CASK: variants seen among roughly 807,000 people sequenced by gnomAD.
CASK encodes the protein peripheral plasma membrane protein CASK.
A neutral mutation model predicts 82.9 loss-of-function variants in CASK; 4 were observed. The observed-to-expected ratio is 0.05, with a 90% CI of 0.02 to 0.11. CASK has a LOEUF of 0.11. Among genes scored for constraint, CASK ranks in the 10% least tolerant of loss-of-function variants. CASK has a pLI of 1.00. For synonymous variants in CASK, 259 were observed against 253.5 expected (o/e 1.02, Z -0.20); for missense variants, 358 against 720.9 (o/e 0.50, Z 5.76).
chrX:41,545,877 G>A (rs759562051), intron 21 of CASK, among the ~76,000 whole-genome samples: 3 of 108,046 alleles, frequency 2.8e-5, no homozygotes, highest in Admixed American at 2.0e-4. Context: ...GCTGGAATGC[G>A]GTGGTGCAAT....
intron 6 of CASK, among the ~76,000 whole-genome samples, chrX:41,666,066 G>C (rs2067112262): frequency 8.9e-6 from 1 of 112,295 alleles, no homozygotes; most frequent in Non-Finnish European, 1.9e-5. Context: ...ATTAACAATA[G>C]TTAGTAATAT....
chrX:41,532,022 C>A (rs1480170599), intron 24 of CASK, among the ~76,000 whole-genome samples: 1 of 111,915 alleles, frequency 8.9e-6, no homozygotes, highest in Non-Finnish European at 1.9e-5. Flanking sequence ...GCAACTTCCA[C>A]CTCCTGGGTT....
At chrX:41,847,020 T>C (rs1489223758) in intron 2 of CASK, among the ~76,000 whole-genome samples, 1 of 111,888 alleles carries the variant, frequency 8.9e-6, no homozygotes, top group Non-Finnish European at 1.9e-5. Context: ...ATGTGATGAT[T>C]CAGTTCTCCC....
chrX:41,889,006 C>T (rs558923586), intron 1 of CASK, among the ~76,000 whole-genome samples: 4 of 109,514 alleles, frequency 3.7e-5, no homozygotes, highest in African/African-American at 6.6e-5. Flanking sequence ...GGGTAGATAC[C>T]TAGTAGTGGG....
At chrX:41,696,559 A>G in intron 5 of CASK, 1 of 1,207,046 alleles carries the variant, frequency 8.3e-7, no homozygotes, top group Non-Finnish European at 1.1e-6. Flanking sequence ...CACAAAACCA[A>G]TGAGATCATG....
chrX:41,686,518 G>A lies in CASK; in HGVS notation c.430-14988C>T, dbSNP rs145645164. Among the ~76,000 whole-genome samples the A allele has an allele frequency of 2.9e-3, 316 of 110,182 alleles. 1 individual carries two copies. Among genetic ancestry groups the A allele is most frequent in the East Asian group, 6.2e-3 (22 of 3,524 alleles). ...CTCCCAAGTAGCTGGAACTACAGGC[G>A]TACGCCACCATGCCCAGCTAAGAAC... On this transcript the variant is annotated intron_variant, in intron 5 of 26. Transcript: ENST00000378163.
At chrX:41,534,264 T>C (rs2064844163) in intron 24 of CASK, among the ~76,000 whole-genome samples, 1 of 111,335 alleles carries the variant, frequency 9.0e-6, no homozygotes, top group Non-Finnish European at 1.9e-5. Context: ...GGGAAAAAAA[T>C]TGTCATATCA....
intron 5 of CASK, among the ~76,000 whole-genome samples, chrX:41,703,450 C>A (rs2067835846): frequency 8.9e-6 from 1 of 112,397 alleles, no homozygotes. Context: ...AAAATTTACA[C>A]AAATGGTATC....
intron 14 of CASK, among the ~76,000 whole-genome samples, chrX:41,582,221 T>C (rs2065590239): frequency 8.9e-6 from 1 of 112,210 alleles, no homozygotes. Flanking sequence ...ACAGATTAGA[T>C]ATTTTCCTGC....
chrX:41,922,447 C>T (rs748701654), intron 1 of CASK, among the ~76,000 whole-genome samples: 1 of 111,708 alleles, frequency 9.0e-6, no homozygotes, highest in Admixed American at 9.4e-5. Flanking sequence ...CTTAAATGAC[C>T]CCCTCCAATC....
At chrX:41,759,978 T>G (rs2068971663) in intron 3 of CASK, among the ~76,000 whole-genome samples, 1 of 111,691 alleles carries the variant, frequency 9.0e-6, no homozygotes, top group Non-Finnish European at 1.9e-5. Flanking sequence ...GATCAAGAGC[T>G]CTTGACCCCT....
chrX:41,900,181 G>A (rs932058238), intron 1 of CASK, among the ~76,000 whole-genome samples: 4 of 110,241 alleles, frequency 3.6e-5, no homozygotes, highest in African/African-American at 1.3e-4. Context: ...TTCTCTTGAT[G>A]CTTTTGAAAT....
chrX:41,678,000 C>A (rs1255178183), intron 5 of CASK, among the ~76,000 whole-genome samples: 1 of 112,369 alleles, frequency 8.9e-6, no homozygotes, highest in African/African-American at 3.2e-5. Flanking sequence ...GTAATTTAAC[C>A]TGTTAATAGT....
chrX:41,861,805 AATGTATATATTGTATAT>A (rs1346811528), intron 1 of CASK, among the ~76,000 whole-genome samples: 1 of 102,345 alleles, frequency 9.8e-6, no homozygotes, highest in African/African-American at 3.5e-5. Flanking sequence ...ATGTATATAT[AATGTATATATTGTATAT>A]ATGTATATAT....
At chrX:41,602,078 AT>A (rs1231992838) in intron 12 of CASK, among the ~76,000 whole-genome samples, 1 of 111,551 alleles carries the variant, frequency 9.0e-6, no homozygotes, top group East Asian at 2.8e-4. Flanking sequence ...CAGTTATCCA[AT>A]TTTTTTCTTT....
chrX:41,834,654 A>G (rs1425075264), intron 2 of CASK, among the ~76,000 whole-genome samples: 1 of 111,436 alleles, frequency 9.0e-6, no homozygotes, highest in Admixed American at 9.6e-5. Context: ...TTATGGTGAG[A>G]GTGTTCTATT....
intron 12 of CASK, among the ~76,000 whole-genome samples, chrX:41,596,251 A>G (rs1363953090): frequency 9.0e-6 from 1 of 111,270 alleles, no homozygotes; most frequent in Non-Finnish European, 1.9e-5. Context: ...AAGATAGGAA[A>G]TATTTTAGGC....
At chrX:41,625,942 CTTTTTTTTTTT>C (rs748063155) in intron 10 of CASK, among the ~76,000 whole-genome samples, 1 of 40,367 alleles carries the variant, frequency 2.5e-5, no homozygotes, top group African/African-American at 8.8e-5. Context: ...GCACGCCTGG[CTTTTTTTTTTT>C]TTTTTTTTTT....
intron 3 of CASK, among the ~76,000 whole-genome samples, chrX:41,759,626 C>G (rs769365470): frequency 2.7e-5 from 3 of 111,780 alleles, no homozygotes; most frequent in Admixed American, 1.9e-4. Flanking sequence ...AAATGCCCCC[C>G]CTACACATCG....
Sources: gnomAD v4.1 joint callset for allele counts (sites outside exome capture counted in the v4.1 genomes callset) on GRCh38, gnomAD v4.1.1 for gene constraint, MANE v1.5 for transcripts, NCBI Gene and HGNC (gene_info 2026-07-23, HGNC 2026-07-21) for gene names.